The following RNF150 variants were observed in gnomAD, a reference collection of about 807,000 sequenced individuals.
RNF150 encodes the protein ring finger protein 150.
Under a neutral mutation model 39.3 loss-of-function variants are expected in RNF150, and 24 were observed. That is an observed-to-expected ratio of 0.61 (90% confidence interval 0.44 to 0.86). The LOEUF (loss-of-function observed/expected upper bound fraction) is 0.86, where lower values mean the gene tolerates loss of function less well. Ranked by LOEUF, RNF150 falls within the 40% of genes least tolerant of loss-of-function variation. The probability of loss-of-function intolerance (pLI) is 0.00; values close to 1 mark genes in which losing one functional copy is unlikely to be tolerated. For missense variants in RNF150, 502 were observed against 587.8 expected (o/e 0.85, Z 1.51); for synonymous variants, 255 against 227.3 (o/e 1.12, Z -1.10).
Position 140,952,668 on chromosome 4 carries a change from T to C in RNF150, c.736-3296A>G, listed in dbSNP as rs552326019. ...CAGGGATTTTGGCTAACAGTAAAGT[T>C]AATGGCTAGGGAATTAGAAAGACGA... On this transcript the variant is annotated intron_variant, in intron 2 of 6. Transcript: ENST00000515673. 4.6e-5 allele frequency among the ~76,000 whole-genome samples: 7 copies of C among 152,342 alleles called. No homozygotes were observed. In the East Asian group the frequency reaches 1.3e-3, roughly 29 times the overall value.
At position 141,132,669 on chromosome 4, in the gene RNF150, GT is replaced by G. The variant is rs769980952; in HGVS notation, c.139del (p.Thr47ProfsTer72). 6.2e-7 allele frequency: 1 copy of G among 1,607,214 alleles called. No homozygotes were observed. The highest frequency in any genetic ancestry group is 1.7e-5 in the Admixed American group (1 of 59,542). On this transcript the variant is annotated frameshift_variant, in exon 1 of 7. Coordinates refer to ENST00000515673, the MANE Select transcript of RNF150 (RefSeq NM_020724.2). LOFTEE classifies it high-confidence loss of function. This position sits in a 1 kb window ranked among gnomAD's most constrained non-coding sequence, Gnocchi z 4.9. ...GGGGTCCGGCGCGGGCTCGGCGTAG[GT>G]GATGTTCACGAAGGCGGTGTACCAT... is the stretch of plus-strand genomic sequence containing the variant. ...EEWYTAFVNI[T>X]YAEPAPDPGA...
intron 1 of RNF150, among the ~76,000 whole-genome samples, chr4:141,012,228 C>G (rs758913387): frequency 6.6e-6 from 1 of 152,228 alleles, no homozygotes; most frequent in Non-Finnish European, 1.5e-5. Context: ...AAGCAGCCTG[C>G]AAACACAGAC....
intron 1 of RNF150, among the ~76,000 whole-genome samples, chr4:141,208,202 T>C (rs1578797688): frequency 6.6e-6 from 1 of 152,240 alleles, no homozygotes; most frequent in Admixed American, 6.5e-5. Flanking sequence ...AAATCTCATG[T>C]GACTGCCTCT....
chr4:140,985,880 T>C (rs111820794), intron 1 of RNF150, among the ~76,000 whole-genome samples: 2,470 of 152,202 alleles, frequency 0.016, 39 homozygotes, highest in East Asian at 0.056. Flanking sequence ...TGTATTTCTA[T>C]TGGACAGAAC....
intron 1 of RNF150, among the ~76,000 whole-genome samples, chr4:141,025,147 A>T (rs1735649576): frequency 6.6e-6 from 1 of 152,190 alleles, no homozygotes; most frequent in Admixed American, 6.5e-5. Flanking sequence ...CTGATTACAG[A>T]AGTATCATAG....
chr4:141,016,522 C>A (rs959544513), intron 1 of RNF150, among the ~76,000 whole-genome samples: 2 of 152,242 alleles, frequency 1.3e-5, no homozygotes. Context: ...TCCCGCTCTG[C>A]GGGAGCAGTC....
intron 1 of RNF150, among the ~76,000 whole-genome samples, chr4:141,099,100 ATAATT>A (rs1392861024): frequency 6.6e-6 from 1 of 152,062 alleles, no homozygotes; most frequent in Admixed American, 6.5e-5. Context: ...AATTAATCCT[ATAATT>A]TATTTTTTAT....
At chr4:140,979,714 G>T (rs912763119) in intron 1 of RNF150, among the ~76,000 whole-genome samples, 1 of 152,074 alleles carries the variant, frequency 6.6e-6, no homozygotes, top group Non-Finnish European at 1.5e-5. Context: ...CCTGGATATT[G>T]TAGGGACCTC....
At chr4:141,159,325 A>G (rs1727472581) in intron 1 of RNF150, among the ~76,000 whole-genome samples, 1 of 152,176 alleles carries the variant, frequency 6.6e-6, no homozygotes, top group Non-Finnish European at 1.5e-5. Flanking sequence ...CTTAGTTTGT[A>G]GACACTGAAA....
At chr4:141,174,625 T>C (rs1298344218) in intron 1 of RNF150, among the ~76,000 whole-genome samples, 5 of 152,092 alleles carry the variant, frequency 3.3e-5, no homozygotes, top group African/African-American at 1.2e-4. Context: ...CTTATTTGGT[T>C]CCTTGGTCCC....
intron 1 of RNF150, among the ~76,000 whole-genome samples, chr4:140,972,579 A>G (rs1286986360): frequency 6.6e-6 from 1 of 152,180 alleles, no homozygotes; most frequent in Non-Finnish European, 1.5e-5. Flanking sequence ...CTGTCCAGTG[A>G]AAAGGCTCCC....
intron 1 of RNF150, among the ~76,000 whole-genome samples, chr4:141,190,825 T>C (rs1728099573): frequency 6.6e-6 from 1 of 152,248 alleles, no homozygotes; most frequent in South Asian, 2.1e-4. Flanking sequence ...TAGGTTTTAT[T>C]ATATTTTGTA....
At chr4:141,052,362 A>G (rs1017702421) in intron 1 of RNF150, among the ~76,000 whole-genome samples, 1 of 152,116 alleles carries the variant, frequency 6.6e-6, no homozygotes, top group African/African-American at 2.4e-5. Context: ...CATTAGCAAC[A>G]AAACCTTTTA....
intron 6 of RNF150, among the ~76,000 whole-genome samples, chr4:140,900,357 G>T (rs185986422): frequency 5.5e-4 from 84 of 152,262 alleles, no homozygotes; most frequent in African/African-American, 2.0e-3. Flanking sequence ...TTACTGATGG[G>T]CTGACTAGTG....
intron 1 of RNF150, among the ~76,000 whole-genome samples, chr4:141,072,978 C>T (rs1056242011): frequency 2.6e-5 from 4 of 152,096 alleles, no homozygotes; most frequent in African/African-American, 4.8e-5. Flanking sequence ...ATGTCATCTA[C>T]CTTGCTTGAT....
chr4:140,888,399 T>C lies in RNF150; in HGVS notation c.1199-20020A>G, dbSNP rs114480806. On this transcript the variant is annotated intron_variant, in intron 6 of 6. Coordinates refer to ENST00000515673, the MANE Select transcript of RNF150 (RefSeq NM_020724.2). ...TCTAATGGATTTTATCTAAAGCATA[T>C]AGTAACAAGAGCAATGGGGCAGTCA... Among the ~76,000 whole-genome samples the C allele has an allele frequency of 3.7e-3, 560 of 152,266 alleles. 2 individuals are homozygous for C. The highest frequency in any genetic ancestry group is 0.013 in the African/African-American group (522 of 41,548).
chr4:141,201,254 A>C (rs1378684398), intron 1 of RNF150, among the ~76,000 whole-genome samples: 1 of 152,174 alleles, frequency 6.6e-6, no homozygotes, highest in Non-Finnish European at 1.5e-5. Flanking sequence ...TAAACAATGC[A>C]TGAGGCCACA....
chr4:141,015,017 C>G (rs1735214974), intron 1 of RNF150, among the ~76,000 whole-genome samples: 1 of 152,084 alleles, frequency 6.6e-6, no homozygotes. Flanking sequence ...AGATAAGCGT[C>G]AATTTTCATT....
rs150195136 is a variant in RNF150 at position 141,188,181 on chromosome 4, C to G, written c.-6+24613G>C. Among the ~76,000 whole-genome samples the G allele has an allele frequency of 6.4e-3, 979 of 152,310 alleles. 3 individuals carry two copies. Among genetic ancestry groups the G allele is most frequent in the African/African-American group, 0.022 (917 of 41,574 alleles). ...AGAACGTTGAATATTGGTTCCCACT[C>G]TCTTCTGGCTTGCAGGGTTTCTCCA... On this transcript the variant is annotated intron_variant, in intron 1 of 7. Coordinates refer to the RNF150 transcript ENST00000420921.
Sources: gnomAD v4.1 joint callset for allele counts (sites outside exome capture counted in the v4.1 genomes callset) on GRCh38, gnomAD v4.1.1 for gene constraint, Gnocchi (gnomAD v3.1) non-coding constraint, MANE v1.5 for transcripts, NCBI Gene and HGNC (gene_info 2026-07-23, HGNC 2026-07-21) for gene names.